Variants in ARL15 observed in about 807,000 individuals in gnomAD.
ARL15 encodes the protein ADP-ribosylation factor-like protein 15.
Under a neutral mutation model 25.2 loss-of-function variants are expected in ARL15, and 19 were observed. The observed-to-expected ratio is 0.75, with a 90% CI of 0.53 to 1.10. The LOEUF (loss-of-function observed/expected upper bound fraction) is 1.10. Among genes scored for constraint, ARL15 ranks in the 50% least tolerant of loss-of-function variants. The pLI, the probability that ARL15 is intolerant of heterozygous loss-of-function variation, is 0.00. For synonymous variants in ARL15, 94 were observed against 86.8 expected, an observed-to-expected ratio of 1.08 and a Z score of -0.46; for missense variants, 220 against 246.0, an observed-to-expected ratio of 0.89 and a Z score of 0.71.
chr5:54,074,469 G>A (rs888248261), intron 4 of ARL15, among the ~76,000 whole-genome samples: 7 of 152,116 alleles, frequency 4.6e-5, no homozygotes, highest in African/African-American at 1.4e-4. Context: ...CTGAGAAGAA[G>A]GAAGAAGAAT....
intron 1 of ARL15, among the ~76,000 whole-genome samples, chr5:54,232,646 T>C (rs897255742): frequency 7.9e-5 from 12 of 152,150 alleles, no homozygotes; most frequent in African/African-American, 1.4e-4. Flanking sequence ...TAAAGACGCA[T>C]GCCCACCTAC....
chr5:54,299,218 G>A (rs772457117), intron 1 of ARL15, among the ~76,000 whole-genome samples: 4 of 152,108 alleles, frequency 2.6e-5, no homozygotes, highest in Non-Finnish European at 4.4e-5. Flanking sequence ...TTCCTCTTTG[G>A]TTCCTTTACT....
Position 53,890,721 on chromosome 5 carries a change from ACT to A in ARL15, c.463-4010_463-4009del. Among the ~76,000 whole-genome samples the A allele has an allele frequency of 1.3e-5, 2 of 152,226 alleles. 1 individual carries two copies. The highest frequency in any genetic ancestry group is 6.8e-3 in the Middle Eastern group (2 of 294). On this transcript the variant is annotated intron_variant, in intron 4 of 4. Transcript: ENST00000504924. Reference sequence around the variant, plus strand: ...AGCCCTGTCACCAGAGCCTTTCTCCACTCATGCCACTGCCGGCTGATTGGCAT... The same window carrying A: ...AGCCCTGTCACCAGAGCCTTTCTCCACATGCCACTGCCGGCTGATTGGCAT...
chr5:54,051,117 G>A (rs1750689280), intron 4 of ARL15, among the ~76,000 whole-genome samples: 2 of 152,168 alleles, frequency 1.3e-5, no homozygotes, highest in African/African-American at 4.8e-5. Context: ...CCATCGTTGG[G>A]CTTATGAGAA....
intron 4 of ARL15, among the ~76,000 whole-genome samples, chr5:53,921,395 A>G (rs1177704676): frequency 6.6e-6 from 1 of 152,154 alleles, no homozygotes; most frequent in East Asian, 1.9e-4. Flanking sequence ...TCCCCTTTTA[A>G]CCTTGAACTT....
At chr5:54,118,832 C>T (rs749900042) in intron 3 of ARL15, among the ~76,000 whole-genome samples, 4 of 152,250 alleles carry the variant, frequency 2.6e-5, no homozygotes, top group Middle Eastern at 3.4e-3. Context: ...AATGGCATGC[C>T]TCCCAGGAGA....
At chr5:54,174,208 C>T (rs894183039) in intron 1 of ARL15, among the ~76,000 whole-genome samples, 1 of 152,122 alleles carries the variant, frequency 6.6e-6, no homozygotes. Flanking sequence ...ATGAACGACA[C>T]TTAAATTTTA....
chr5:54,239,967 C>A (rs534909520), intron 1 of ARL15, among the ~76,000 whole-genome samples: 1 of 152,146 alleles, frequency 6.6e-6, no homozygotes, highest in African/African-American at 2.4e-5. Flanking sequence ...GTGGCTCAGG[C>A]CTGTAATCCC....
intron 1 of ARL15, among the ~76,000 whole-genome samples, chr5:54,213,331 T>C (rs1756096771): frequency 6.6e-6 from 1 of 152,182 alleles, no homozygotes; most frequent in Non-Finnish European, 1.5e-5. Context: ...TGGTAACTGT[T>C]CTAGCTAGAC....
At chr5:54,137,030 A>G (rs1267950088) in intron 3 of ARL15, among the ~76,000 whole-genome samples, 1 of 152,080 alleles carries the variant, frequency 6.6e-6, no homozygotes, top group Non-Finnish European at 1.5e-5. Context: ...AATTTGATTT[A>G]GAACTGCAGT....
chr5:54,293,277 G>A (rs1168588395), intron 1 of ARL15, among the ~76,000 whole-genome samples: 1 of 152,160 alleles, frequency 6.6e-6, no homozygotes, highest in Non-Finnish European at 1.5e-5. Context: ...TAAGCCTTCA[G>A]TTCTCAACCA....
intron 1 of ARL15, among the ~76,000 whole-genome samples, chr5:54,265,972 G>A (rs1352442235): frequency 3.9e-5 from 6 of 152,208 alleles, no homozygotes; most frequent in African/African-American, 1.4e-4. Flanking sequence ...CAGGGGTTCA[G>A]AGATGTTAAG....
intron 4 of ARL15, among the ~76,000 whole-genome samples, chr5:53,973,519 A>G (rs1747818989): frequency 6.7e-6 from 1 of 150,222 alleles, no homozygotes. Flanking sequence ...GGTTGCAGTG[A>G]GCCAAGATCG....
At chr5:54,050,624 G>A (rs1250765628) in intron 4 of ARL15, among the ~76,000 whole-genome samples, 1 of 152,066 alleles carries the variant, frequency 6.6e-6, no homozygotes, top group East Asian at 1.9e-4. Context: ...TCTAAAACTG[G>A]GGATTATCAG....
At chr5:54,205,973 C>T (rs1213298384) in intron 1 of ARL15, among the ~76,000 whole-genome samples, 1 of 152,096 alleles carries the variant, frequency 6.6e-6, no homozygotes, top group East Asian at 1.9e-4. Flanking sequence ...CCTTATTCTT[C>T]TTCTGGTTTG....
chr5:54,160,080 C>T (rs958103232), intron 2 of ARL15, among the ~76,000 whole-genome samples: 1 of 152,172 alleles, frequency 6.6e-6, no homozygotes, highest in African/African-American at 2.4e-5. Flanking sequence ...AAGGGAAAGA[C>T]ATTCTACAGA....
chr5:54,202,354 C>T (rs1459998680), intron 1 of ARL15, among the ~76,000 whole-genome samples: 2 of 152,076 alleles, frequency 1.3e-5, no homozygotes. Flanking sequence ...CAGGTAGGCT[C>T]AATGTAATCA....
intron 4 of ARL15, among the ~76,000 whole-genome samples, chr5:53,965,902 G>T (rs760569931): frequency 6.6e-5 from 10 of 152,114 alleles, no homozygotes; most frequent in Non-Finnish European, 1.5e-4. Flanking sequence ...TGGGAGTGGG[G>T]AACATCGACA....
intron 1 of ARL15, among the ~76,000 whole-genome samples, chr5:54,305,213 AC>A (rs1346071226): frequency 6.6e-6 from 1 of 152,044 alleles, no homozygotes; most frequent in Non-Finnish European, 1.5e-5. Flanking sequence ...TAAATCCCAA[AC>A]ACTGGCAGGG....
Sources: allele counts gnomAD v4.1 joint callset (sites outside exome capture counted in the v4.1 genomes callset), GRCh38; gene constraint gnomAD v4.1.1; transcripts MANE v1.5; gene names NCBI Gene and HGNC (gene_info 2026-07-23, HGNC 2026-07-21).